The following ITGB2 variants were observed in gnomAD, a reference collection of about 807,000 sequenced individuals.
ITGB2 encodes integrin beta-2.
A neutral mutation model predicts 86.8 loss-of-function variants in ITGB2; 56 were observed. The observed-to-expected ratio is 0.65, with a 90% CI of 0.52 to 0.81. ITGB2 has a LOEUF of 0.81. Ranked by LOEUF, ITGB2 falls within the 30% of genes least tolerant of loss-of-function variation. The pLI, the probability that ITGB2 is intolerant of heterozygous loss-of-function variation, is 0.00. For missense variants in ITGB2, 948 were observed against 1,061.2 expected (o/e 0.89, Z 1.48); for synonymous variants, 457 against 450.4 (o/e 1.01, Z -0.19).
At chr21:44,910,175 C>G (rs563101941) in intron 3 of ITGB2, 109 bp downstream of exon 3, 4 of 1,448,866 alleles carry the variant, frequency 2.8e-6, no homozygotes, top group Non-Finnish European at 3.7e-6. Flanking sequence ...GGGACCCCCT[C>G]AAAAAGAAAA....
At position 44,901,855 on chromosome 21, in the gene ITGB2, G is replaced by C. The variant is rs577322614; in HGVS notation, c.500-122C>G. ...CCTAGCAGGGAGGTGGAGAAAGCAAGATGGCACATGTGGAGTGTGTGTGTG... is the reference window on the plus strand; with the variant it reads ...CCTAGCAGGGAGGTGGAGAAAGCAACATGGCACATGTGGAGTGTGTGTGTG... On this transcript the variant is annotated intron_variant, in intron 5 of 15. Transcript: ENST00000652462. 3.1e-5 allele frequency: 34 copies of C among 1,084,748 alleles called. 2 individuals are homozygous for C. In the African/African-American group the frequency reaches 3.1e-4, roughly 10 times the overall value. The allele number at this position is 1,084,748 out of a possible 1,614,324, so 67.2% of individuals were successfully genotyped here. A position where few individuals can be genotyped will look rare whatever the true frequency, so the allele number is the denominator to read the frequency against.
intron 14 of ITGB2, among the ~76,000 whole-genome samples, chr21:44,887,282 C>G (rs1371813341): frequency 2.6e-5 from 4 of 152,192 alleles, no homozygotes; most frequent in Non-Finnish European, 4.4e-5. Flanking sequence ...GGAGTTCACT[C>G]CCCATACTGT....
intron 4 of ITGB2, 115 bp downstream of exon 4, chr21:44,906,800 A>G: frequency 8.8e-7 from 1 of 1,140,930 alleles, no homozygotes; most frequent in Non-Finnish European, 1.3e-6. Flanking sequence ...CACCCGTCCG[A>G]CCCGGACACA....
At chr21:44,894,450 C>CA (rs757637503) in intron 9 of ITGB2, 22 of 205,066 alleles carry the variant, frequency 1.1e-4, no homozygotes, top group Non-Finnish European at 2.0e-4. Context: ...CTATGCCCAC[C>CA]AGGGCCATGG....
At chr21:44,908,466 A>C (rs1279215823) in intron 3 of ITGB2, among the ~76,000 whole-genome samples, 1 of 152,186 alleles carries the variant, frequency 6.6e-6, no homozygotes, top group East Asian at 1.9e-4. Flanking sequence ...AATTCCAGAC[A>C]TTGTATGAAA....
In ITGB2 at chr21:44,911,277, C is replaced by T. The variant is rs181356448; in HGVS notation, c.-3-492G>A. On this transcript the variant is annotated intron_variant, in intron 1 of 15. Transcript: ENST00000652462. Reference sequence around the variant, plus strand: ...CCACACACAAATATACACATGCACACGTACACACACATACACACCACACAG... The same window carrying T: ...CCACACACAAATATACACATGCACATGTACACACACATACACACCACACAG... The T allele has an allele frequency of 1.6e-3, 389 of 243,524 alleles. 8 individuals carry two copies. The highest frequency in any genetic ancestry group is 0.014 in the South Asian group (286 of 20,328). The allele number at this position is 243,524 out of a possible 1,614,324, so 15.1% of individuals were successfully genotyped here.
chr21:44,926,142 T>A (rs1266158529), intron 1 of ITGB2, among the ~76,000 whole-genome samples: 5 of 150,802 alleles, frequency 3.3e-5, no homozygotes, highest in Non-Finnish European at 5.9e-5. Context: ...AATTAATTAA[T>A]TAATTAAATA....
chr21:44,910,816 T>A, intron 1 of ITGB2, 31 bp from the exon 2 acceptor site: 1 of 1,606,282 alleles, frequency 6.2e-7, no homozygotes, highest in Non-Finnish European at 8.5e-7. Flanking sequence ...GGTGACGGTC[T>A]CAGGCCCAAC....
At chr21:44,923,654 G>A (rs545620699), upstream of ITGB2, among the ~76,000 whole-genome samples, 14 of 152,244 alleles carry the variant, frequency 9.2e-5, no homozygotes, top group Admixed American at 2.0e-4. Flanking sequence ...ATTATTTCGC[G>A]GGTATAAAGT....
rs538864433 is a variant in ITGB2 at position 44,900,679 on chromosome 21, A to G, written c.742-204T>C. Among the ~76,000 whole-genome samples the G allele has an allele frequency of 7.9e-5, 12 of 152,210 alleles. No homozygotes were observed. In the South Asian group the frequency reaches 2.5e-3, roughly 32 times the overall value. On this transcript the variant is annotated intron_variant, in intron 6 of 15. Coordinates refer to ENST00000652462, the MANE Select transcript of ITGB2 (RefSeq NM_000211.5). Reference sequence around the variant, plus strand: ...AACGGCCCTCAAACACCCCGTGCACATGTGAGGCGCAGGGAGTGGAGGCAC... The same window carrying G: ...AACGGCCCTCAAACACCCCGTGCACGTGTGAGGCGCAGGGAGTGGAGGCAC...
At chr21:44,905,161 T>G (rs969163402) in intron 4 of ITGB2, among the ~76,000 whole-genome samples, 1 of 151,922 alleles carries the variant, frequency 6.6e-6, no homozygotes. Flanking sequence ...CCTTCCAGAG[T>G]AGAGGCTCAG....
chr21:44,912,546 A>G (rs1045680614), intron 1 of ITGB2, among the ~76,000 whole-genome samples: 6 of 152,222 alleles, frequency 3.9e-5, no homozygotes, highest in Non-Finnish European at 5.9e-5. Context: ...CTGGGGTCAA[A>G]AACAGAACCT....
intron 8 of ITGB2, among the ~76,000 whole-genome samples, chr21:44,897,612 CG>C (rs1477321180): frequency 6.6e-6 from 1 of 152,150 alleles, no homozygotes; most frequent in African/African-American, 2.4e-5. Context: ...ACTGAGGGCT[CG>C]GGGTAAGGAA....
chr21:44,924,048 C>T (rs1182206506), upstream of ITGB2, among the ~76,000 whole-genome samples: 1 of 152,094 alleles, frequency 6.6e-6, no homozygotes, highest in Non-Finnish European at 1.5e-5. Context: ...TGCCGAACTT[C>T]AAAATATATA....
intron 1 of ITGB2, chr21:44,927,949 T>C (rs975127764): frequency 2.0e-5 from 3 of 151,956 alleles, no homozygotes; most frequent in Admixed American, 1.3e-4. Context: ...GGCAGGTGAG[T>C]GTAGGAAGGA....
chr21:44,908,259 C>T, intron 3 of ITGB2: 1 of 596,100 alleles, frequency 1.7e-6, no homozygotes, highest in Non-Finnish European at 3.1e-6. Context: ...GCTGCCCTCC[C>T]CTTCTTCTCC....
In ITGB2 at chr21:44,886,200, C is replaced by T. The variant is rs755328937; in HGVS notation, c.*168G>A. 1.0e-5 allele frequency: 7 copies of T among 685,782 alleles called. No individual in the cohort carries two copies. Among genetic ancestry groups the T allele is most frequent in the Admixed American group, 2.1e-5 (1 of 48,024 alleles). 42.5% of individuals were successfully genotyped at this position (685,782 alleles called of 1,614,324 possible). ...AGTCAGAGTGGAGCTGTCCCCCCGA[C>T]GAGCCCCCAGAAGCACCCGGCCGGC... On this transcript the variant is annotated 3_prime_UTR_variant, in exon 16 of 16. Transcript: ENST00000652462.
At chr21:44,900,539 C>CTGG (rs2083938667) in intron 6 of ITGB2, 64 bp from the exon 7 acceptor site, 1 of 1,599,022 alleles carries the variant, frequency 6.3e-7, no homozygotes, top group Non-Finnish European at 8.5e-7. Context: ...CCCTCTGGAG[C>CTGG]AGAGGAGACG....
At chr21:44,899,428 G>A (rs1208339750) in intron 7 of ITGB2, among the ~76,000 whole-genome samples, 1 of 152,226 alleles carries the variant, frequency 6.6e-6, no homozygotes, top group Non-Finnish European at 1.5e-5. Flanking sequence ...GATGTCCACG[G>A]GGGCAGAATC....
Sources: gnomAD v4.1 joint callset for allele counts (sites outside exome capture counted in the v4.1 genomes callset) on GRCh38, gnomAD v4.1.1 for gene constraint, MANE v1.5 for transcripts, NCBI Gene and HGNC (gene_info 2026-07-23, HGNC 2026-07-21) for gene names.